KCNJ3: variants seen among roughly 807,000 people sequenced by gnomAD.
KCNJ3 encodes the protein G protein-activated inward rectifier potassium channel 1.
KCNJ3 carries 4 observed loss-of-function variants against 39.2 expected under a neutral mutation model. That is an observed-to-expected ratio of 0.10 (90% CI 0.05 to 0.23). The LOEUF is 0.23. Ranked by LOEUF, KCNJ3 falls within the 10% of genes least tolerant of loss-of-function variation. KCNJ3 has a pLI of 1.00. For synonymous variants in KCNJ3, 230 were observed against 237.4 expected, an observed-to-expected ratio of 0.97 and a Z score of 0.29; for missense variants, 276 against 634.9, an observed-to-expected ratio of 0.43 and a Z score of 6.08.
intron 2 of KCNJ3, among the ~76,000 whole-genome samples, chr2:154,735,411 G>A (rs1027496875): frequency 6.6e-6 from 1 of 152,250 alleles, no homozygotes; most frequent in African/African-American, 2.4e-5. Context: ...ACGGAGCCCG[G>A]CCATAGGCCT....
chr2:154,840,048 T>G (rs1359994182), intron 2 of KCNJ3, among the ~76,000 whole-genome samples: 2 of 152,222 alleles, frequency 1.3e-5, no homozygotes, highest in Non-Finnish European at 2.9e-5. Context: ...TAGGTTTTCT[T>G]CTAGAGTTTT....
chr2:154,705,888 T>C (rs1414274658), intron 1 of KCNJ3, among the ~76,000 whole-genome samples: 1 of 152,128 alleles, frequency 6.6e-6, no homozygotes, highest in African/African-American at 2.4e-5. Context: ...GAAAGACCTT[T>C]ATTTCCTTCC....
At chr2:154,774,425 T>A (rs1686297168) in intron 2 of KCNJ3, among the ~76,000 whole-genome samples, 1 of 152,110 alleles carries the variant, frequency 6.6e-6, no homozygotes, top group Non-Finnish European at 1.5e-5. Flanking sequence ...GTCAGAAGGG[T>A]AACTGTAACA....
At chr2:154,826,871 A>C (rs1687281478) in intron 2 of KCNJ3, among the ~76,000 whole-genome samples, 1 of 152,176 alleles carries the variant, frequency 6.6e-6, no homozygotes, top group African/African-American at 2.4e-5. Flanking sequence ...ATTTCATTTT[A>C]ATGTAAAGCA....
chr2:154,826,057 C>A (rs1687265891), intron 2 of KCNJ3, among the ~76,000 whole-genome samples: 1 of 152,092 alleles, frequency 6.6e-6, no homozygotes, highest in African/African-American at 2.4e-5. Flanking sequence ...TAATACTTCT[C>A]TCCCATTTAT....
chr2:154,843,494 G>A (rs1004426734), intron 2 of KCNJ3, among the ~76,000 whole-genome samples: 4 of 152,100 alleles, frequency 2.6e-5, no homozygotes, highest in African/African-American at 7.2e-5. Context: ...GCCTTGCTAG[G>A]TTGGGGAAGT....
At chr2:154,700,795 G>A (rs1219150309) in intron 1 of KCNJ3, among the ~76,000 whole-genome samples, 1 of 152,100 alleles carries the variant, frequency 6.6e-6, no homozygotes, top group Non-Finnish European at 1.5e-5. Context: ...CCTTGACCAA[G>A]TTGCTCAGTA....
At chr2:154,783,906 G>A (rs1686482632) in intron 2 of KCNJ3, among the ~76,000 whole-genome samples, 1 of 152,092 alleles carries the variant, frequency 6.6e-6, no homozygotes, top group Admixed American at 6.6e-5. Context: ...TGAATTAGAT[G>A]CAAAAATAAT....
chr2:154,848,734 C>T (rs1489349536), intron 2 of KCNJ3, among the ~76,000 whole-genome samples: 1 of 152,086 alleles, frequency 6.6e-6, no homozygotes, highest in East Asian at 1.9e-4. Flanking sequence ...TTCAGAGAGG[C>T]AAAGCACCAT....
intron 2 of KCNJ3, among the ~76,000 whole-genome samples, chr2:154,779,444 A>T (rs1480351049): frequency 2.1e-5 from 3 of 142,890 alleles, no homozygotes; most frequent in Non-Finnish European, 4.5e-5. Context: ...ATATATATGT[A>T]TATATATTTT....
intron 2 of KCNJ3, among the ~76,000 whole-genome samples, chr2:154,739,134 T>G (rs767281959): frequency 6.6e-6 from 1 of 152,148 alleles, no homozygotes; most frequent in Non-Finnish European, 1.5e-5. Flanking sequence ...GTGCTGTTTT[T>G]ATACTTTTTA....
intron 2 of KCNJ3, among the ~76,000 whole-genome samples, chr2:154,837,517 G>A (rs1472797733): frequency 6.6e-6 from 1 of 152,088 alleles, no homozygotes; most frequent in Non-Finnish European, 1.5e-5. Context: ...TGGTGAAGTA[G>A]ATTGGTATAG....
At chr2:154,738,378 T>G (rs1032954714) in intron 2 of KCNJ3, among the ~76,000 whole-genome samples, 1 of 152,070 alleles carries the variant, frequency 6.6e-6, no homozygotes, top group Non-Finnish European at 1.5e-5. Flanking sequence ...CTACAGTCAA[T>G]AATAACTTAA....
At chr2:154,794,096 C>T (rs546336611) in intron 2 of KCNJ3, among the ~76,000 whole-genome samples, 1 of 151,872 alleles carries the variant, frequency 6.6e-6, no homozygotes, top group Non-Finnish European at 1.5e-5. Context: ...CATTTCAAAT[C>T]TAACTAAAGA....
intron 2 of KCNJ3, among the ~76,000 whole-genome samples, chr2:154,801,141 C>T (rs1686811287): frequency 6.6e-6 from 1 of 152,200 alleles, no homozygotes; most frequent in Non-Finnish European, 1.5e-5. Context: ...TTGTCAGCTC[C>T]ATGACTCAGG....
chr2:154,728,484 C>T (rs1685397447), intron 2 of KCNJ3, among the ~76,000 whole-genome samples: 1 of 152,164 alleles, frequency 6.6e-6, no homozygotes, highest in African/African-American at 2.4e-5. Context: ...AACCTCTTCC[C>T]TATTAATATA....
At chr2:154,786,954 G>T (rs1422273338) in intron 2 of KCNJ3, among the ~76,000 whole-genome samples, 1 of 152,100 alleles carries the variant, frequency 6.6e-6, no homozygotes, top group Non-Finnish European at 1.5e-5. Context: ...ATATTAATTT[G>T]TTATTCTAAA....
rs373062062 is a variant in KCNJ3 at position 154,850,008 on chromosome 2, CTTTTTTTTTTTTTTTT to C, written c.920-4698_920-4683del. Among the ~76,000 whole-genome samples, 33 of 48,860 alleles carry C rather than the reference CTTTTTTTTTTTTTTTT, an allele frequency of 6.8e-4. 1 individual carries two copies. The East Asian group carries it at 0.01, about 15-fold the overall frequency. The allele number at this position is 48,860 out of a possible 152,430, so 32.1% of individuals were successfully genotyped here. On this transcript the variant is annotated intron_variant, in intron 2 of 2. Transcript: ENST00000295101. ...TTGCAATGCAATGTACAGAATAAAT[CTTTTTTTTTTTTTTTT>C]TTTTTTTTTTTTTTTTTTTTACAAA...
At chr2:154,849,900 G>A (rs1687725892) in intron 2 of KCNJ3, among the ~76,000 whole-genome samples, 1 of 149,708 alleles carries the variant, frequency 6.7e-6, no homozygotes, top group Admixed American at 6.7e-5. Flanking sequence ...AGACTATGTT[G>A]CTTCTACCAT....
Sources: allele counts gnomAD v4.1 joint callset (sites outside exome capture counted in the v4.1 genomes callset), GRCh38; gene constraint gnomAD v4.1.1; transcripts MANE v1.5; gene names NCBI Gene and HGNC (gene_info 2026-07-23, HGNC 2026-07-21).